The following KIF1A variants were observed in gnomAD, a reference collection of about 807,000 sequenced individuals.
KIF1A encodes the protein kinesin family member 1A, also known as kinesin-like protein KIF1A.
In KIF1A, 46 loss-of-function variants were observed where a neutral mutation model predicts 227.3. The ratio of observed to expected loss-of-function variants is 0.20; its 90% CI spans 0.16 to 0.26. KIF1A has a LOEUF of 0.26. Ranked by LOEUF, KIF1A falls within the 10% of genes least tolerant of loss-of-function variation. The pLI, the probability that KIF1A is intolerant of heterozygous loss-of-function variation, is 1.00. For missense variants in KIF1A, 1,683 were observed against 2,485.9 expected (o/e 0.68, Z 6.87); for synonymous variants, 1,022 against 1,012.8 (o/e 1.01, Z -0.17).
chr2:240,728,092 G>A (rs535332632), intron 38 of KIF1A, among the ~76,000 whole-genome samples: 1 of 152,220 alleles, frequency 6.6e-6, no homozygotes, highest in East Asian at 1.9e-4. Flanking sequence ...GCTCCAAGGC[G>A]GCCGGGCCCC....
rs190843673 is a variant in KIF1A at position 240,742,062 on chromosome 2, C to T, written c.3641-685G>A. ...ACTGAATCTCAGGGAACTCATACTG[C>T]GGGCCACAAAGCCTGTACAGACCAG... On this transcript the variant is annotated intron_variant, in intron 34 of 48. Coordinates refer to ENST00000498729, the MANE Select transcript of KIF1A (RefSeq NM_001244008.2). Among the ~76,000 whole-genome samples, 1,487 of 152,298 alleles carry T rather than the reference C, an allele frequency of 9.8e-3. 20 individuals carry two copies. Among genetic ancestry groups the T allele is most frequent in the Middle Eastern group, 0.031 (9 of 294 alleles).
At chr2:240,720,164 C>A in intron 45 of KIF1A, 1 of 413,176 alleles carries the variant, frequency 2.4e-6, no homozygotes, top group Non-Finnish European at 4.3e-6. Flanking sequence ...AACCTCGGGG[C>A]CCAGCCAGGG....
At chr2:240,742,440 T>C (rs975988257) in intron 34 of KIF1A, among the ~76,000 whole-genome samples, 2 of 151,834 alleles carry the variant, frequency 1.3e-5, no homozygotes, top group African/African-American at 4.8e-5. Context: ...CTCCACTCTT[T>C]TAACTAAAAG....
chr2:240,784,687 G>A (rs1015551966), intron 7 of KIF1A, among the ~76,000 whole-genome samples: 3 of 152,210 alleles, frequency 2.0e-5, no homozygotes, highest in African/African-American at 7.2e-5. Context: ...GATGGTCAGG[G>A]AGAGGCTGGG....
At chr2:240,777,335 C>A (rs995160528) in intron 10 of KIF1A, among the ~76,000 whole-genome samples, 5 of 152,214 alleles carry the variant, frequency 3.3e-5, no homozygotes, top group Non-Finnish European at 1.5e-5. Context: ...TGAGCCACCG[C>A]GCCCGGCCTC....
At position 240,716,171 on chromosome 2, in the gene KIF1A, A is replaced by G. The variant is rs954413379; in HGVS notation, c.*1193T>C. ...ATAACCACCAAGCCAGCCACCCTCC[A>G]TTGCCGACCGACCAGGATACCCCCA... On this transcript the variant is annotated 3_prime_UTR_variant, in exon 49 of 49. Coordinates refer to ENST00000498729, the MANE Select transcript of KIF1A (RefSeq NM_001244008.2). The G allele has an allele frequency of 6.6e-6, 1 of 152,048 alleles. No homozygotes were observed. The highest frequency in any genetic ancestry group is 2.4e-5 in the African/African-American group (1 of 41,296). The allele number at this position is 152,048 out of a possible 1,614,324, so 9.4% of individuals were successfully genotyped here. A position where few individuals can be genotyped will look rare whatever the true frequency, so the allele number is the denominator to read the frequency against.
chr2:240,763,442 G>C, intron 20 of KIF1A, 96 bp from the exon 21 acceptor site: 2 of 1,197,334 alleles, frequency 1.7e-6, no homozygotes, highest in Non-Finnish European at 2.3e-6. Flanking sequence ...GGGAACGGGT[G>C]CAGGCACCCC....
intron 1 of KIF1A, among the ~76,000 whole-genome samples, chr2:240,798,699 G>T (rs190188869): frequency 3.9e-5 from 6 of 152,326 alleles, no homozygotes; most frequent in African/African-American, 1.2e-4. Context: ...AGGTCTTTCC[G>T]GGCTGACCAG....
chr2:240,756,149 C>T (rs1008756516), intron 27 of KIF1A, among the ~76,000 whole-genome samples: 7 of 152,126 alleles, frequency 4.6e-5, no homozygotes, highest in African/African-American at 1.7e-4. Context: ...GAGTAAAGCC[C>T]GTGTAAACCC....
In KIF1A at chr2:240,723,439, G is replaced by A; in HGVS notation, c.4438C>T (p.Leu1480=). ...TCCTGCAGGAGGCTCAGCTTCTCCAGCTCCCACTGGTGGTCCAGAATGAGA... is the reference window on the plus strand; with the variant it reads ...TCCTGCAGGAGGCTCAGCTTCTCCAACTCCCACTGGTGGTCCAGAATGAGA... ...DSLILDHQWE[L]EKLSLLQEVE... is the part of the protein sequence containing the mutation. The change falls in exon 42 of 49, where the codon CTG becomes TTG. Residue 1480 remains leucine (L), a synonymous_variant. Transcript: ENST00000498729. 6.4e-7 allele frequency: 1 copy of A among 1,551,660 alleles called. No homozygotes were observed.
chr2:240,789,379 T>A lies in KIF1A; in HGVS notation c.107-67A>T. 2.3e-6 allele frequency: 3 copies of A among 1,326,668 alleles called. No individual in the cohort carries two copies. The highest frequency in any genetic ancestry group is 3.3e-6 in the Non-Finnish European group (3 of 919,876). 82.2% of individuals were successfully genotyped at this position (1,326,668 alleles called of 1,614,324 possible). The stretch of plus-strand genomic sequence containing the variant: ...GCCCCTGACTAGCTGGCATCTACAC[T>A]CCAAGGTGGGGAGATGGTCTTAAGA... On this transcript the variant is annotated intron_variant, in intron 2 of 48. Coordinates refer to ENST00000498729, the MANE Select transcript of KIF1A (RefSeq NM_001244008.2). The surrounding 1 kb of genome is among the most constrained non-coding windows in gnomAD (Gnocchi z 4.8).
chr2:240,774,120 G>A (rs1043135274), intron 12 of KIF1A, 63 bp downstream of exon 12: 40 of 1,088,434 alleles, frequency 3.7e-5, no homozygotes, highest in African/African-American at 1.4e-4. Flanking sequence ...ATTCAAGCAC[G>A]AGAGGATCCA....
intron 7 of KIF1A, 145 bp downstream of exon 7, chr2:240,784,844 C>T (rs2054516745): frequency 1.5e-6 from 1 of 655,004 alleles, no homozygotes. Context: ...CACCTGGTGC[C>T]AGTGTAAGTG....
In KIF1A at chr2:240,758,406, C is replaced by T. The variant is rs768702963; in HGVS notation, c.2536G>A (p.Gly846Arg). 2.3e-5 allele frequency: 37 copies of T among 1,612,808 alleles called. No individual in the cohort carries two copies. Among genetic ancestry groups the T allele is most frequent in the Non-Finnish European group, 2.7e-5 (32 of 1,179,376 alleles). The part of the protein sequence containing the change: ...IEDCDNVVTG[G>R]DPFYDRFPWF... ...GGGAAGCGGTCATAGAAGGGGTCTC[C>T]GCCGGTCACCACGTTGTCACAGTCC... Residue 846 changes from glycine to arginine, a missense_variant, in exon 26 of 49, where the codon GGA becomes AGA. Gly to Arg is a moderately radical substitution (Grantham distance 125, BLOSUM62 -2). This residue lies in a region of KIF1A where 759 missense variants were observed against 1,020.2 expected (regional missense o/e 0.74). Transcript: ENST00000498729. This position sits in a 1 kb window ranked among gnomAD's most constrained non-coding sequence, Gnocchi z 5.2.
chr2:240,799,104 C>T (rs2056716408), intron 1 of KIF1A, among the ~76,000 whole-genome samples: 1 of 152,234 alleles, frequency 6.6e-6, no homozygotes, highest in African/African-American at 2.4e-5. Context: ...GGACAAGCCC[C>T]TCTGGGCTGC....
At chr2:240,754,175 T>C (rs2049549548) in intron 27 of KIF1A, among the ~76,000 whole-genome samples, 1 of 152,304 alleles carries the variant, frequency 6.6e-6, no homozygotes, top group South Asian at 2.1e-4. Flanking sequence ...TGGGGACTGC[T>C]GGGGGTGGGG....
At chr2:240,763,402 G>A (rs1458060287) in intron 20 of KIF1A, 56 bp from the exon 21 acceptor site, 1 of 1,477,912 alleles carries the variant, frequency 6.8e-7, no homozygotes, top group African/African-American at 1.4e-5. Context: ...GGTCCCTGAT[G>A]GTCTCAAGCG....
chr2:240,807,589 C>A (rs1035929294), intron 1 of KIF1A, among the ~76,000 whole-genome samples: 4 of 152,168 alleles, frequency 2.6e-5, no homozygotes, highest in African/African-American at 7.2e-5. Flanking sequence ...TATAGACAAA[C>A]CATTCTTTTT....
chr2:240,799,385 A>T (rs1041774093), intron 1 of KIF1A, among the ~76,000 whole-genome samples: 3 of 152,228 alleles, frequency 2.0e-5, no homozygotes, highest in African/African-American at 7.2e-5. Context: ...GCTGTCCCTC[A>T]GGCAAACAGC....
Sources: gnomAD v4.1 joint callset for allele counts (sites outside exome capture counted in the v4.1 genomes callset) on GRCh38, gnomAD v4.1.1 for gene constraint, gnomAD v4.1.1 regional missense constraint, Gnocchi (gnomAD v3.1) non-coding constraint, MANE v1.5 for transcripts, NCBI Gene and HGNC (gene_info 2026-07-23, HGNC 2026-07-21) for gene names.